Variants in EDAR observed in about 807,000 individuals in gnomAD.
EDAR encodes tumor necrosis factor receptor superfamily member EDAR.
In EDAR, 38 loss-of-function variants were observed where a neutral mutation model predicts 51.3. The observed-to-expected ratio is 0.74, with a 90% confidence interval of 0.57 to 0.97. The LOEUF (loss-of-function observed/expected upper bound fraction) is 0.97, where lower values mean the gene tolerates loss of function less well. Among genes scored for constraint, EDAR ranks in the 50% least tolerant of loss-of-function variants. The pLI is 0.00. For missense variants in EDAR, 528 were observed against 595.0 expected (o/e 0.89, Z 1.17); for synonymous variants, 227 against 242.1 (o/e 0.94, Z 0.58).
chr2:108,979,918 A>C (rs1251837946), intron 1 of EDAR, among the ~76,000 whole-genome samples: 1 of 152,136 alleles, frequency 6.6e-6, no homozygotes, highest in African/African-American at 2.4e-5. Context: ...GGTGGGAAGC[A>C]GGGTGCTGTG....
At position 108,895,778 on chromosome 2, in the gene EDAR, T is replaced by A. The variant is rs13001699; in HGVS notation, c.*1129A>T. On this transcript the variant is annotated 3_prime_UTR_variant, in exon 12 of 12. Coordinates refer to ENST00000258443, the MANE Select transcript of EDAR (RefSeq NM_022336.4). Reference sequence around the variant, plus strand: ...CAACTAGAAGCCAGCTCCCTCGACATCAAGCCCAGGCTCTCATTTGCGCTG... The same window carrying A: ...CAACTAGAAGCCAGCTCCCTCGACAACAAGCCCAGGCTCTCATTTGCGCTG... 6.6e-6 allele frequency: 1 copy of A among 152,136 alleles called. No individual in the cohort carries two copies. Among genetic ancestry groups the A allele is most frequent in the Non-Finnish European group, 1.5e-5 (1 of 68,054 alleles). The allele number at this position is 152,136 out of a possible 1,614,324, so 9.4% of individuals were successfully genotyped here.
At chr2:108,961,801 C>T (rs1038697067) in intron 1 of EDAR, among the ~76,000 whole-genome samples, 1 of 152,080 alleles carries the variant, frequency 6.6e-6, no homozygotes, top group Non-Finnish European at 1.5e-5. Flanking sequence ...GCTGCTCTCT[C>T]GTGACCTGAG....
Position 108,927,093 on chromosome 2 carries a change from C to G in EDAR, c.356+2105G>C, listed in dbSNP as rs575471671. On this transcript the variant is annotated intron_variant, in intron 4 of 11. Transcript: ENST00000258443. ...TTGGGACTGGCAGTGAGGCTTTGAG[C>G]AGACACAGCACATCATGGAGCCAAC... is the stretch of plus-strand genomic sequence containing the variant. 1.5e-3 allele frequency among the ~76,000 whole-genome samples: 224 copies of G among 152,318 alleles called. 1 individual carries two copies. Among genetic ancestry groups the G allele is most frequent in the African/African-American group, 5.1e-3 (212 of 41,564 alleles).
rs1248600965 is a variant in EDAR at position 108,906,355 on chromosome 2, C to T, written c.977G>A (p.Arg326Lys). 3.1e-6 allele frequency: 5 copies of T among 1,614,170 alleles called. No individual in the cohort carries two copies. Among genetic ancestry groups the T allele is most frequent in the Non-Finnish European group, 4.2e-6 (5 of 1,180,032 alleles). The change falls in exon 11 of 12, where the codon AGG becomes AAG. Residue 326 changes from arginine (R) to lysine (K), a missense_variant. Transcript: ENST00000258443. Reference protein sequence around the residue: ...SNKSAGIQSRRKKILDVYANV... With the variant: ...SNKSAGIQSRKKKILDVYANV... ...GGCATACACATCGAGGATCTTTTTC[C>T]TCCGGCTTTGAATCTGTGAAAAAGA...
At position 108,983,029 on chromosome 2, in the gene EDAR, A is replaced by T. The variant is rs984323006; in HGVS notation, c.-19+5931T>A. ...TTGGAGATTTTATTGCCCATAAAGA[A>T]ATCCATCAACAGAAAACCACACTCT... is the stretch of plus-strand genomic sequence containing the variant. On this transcript the variant is annotated intron_variant, in intron 1 of 11. Transcript: ENST00000258443. 3.3e-5 allele frequency among the ~76,000 whole-genome samples: 5 copies of T among 152,204 alleles called. No individual in the cohort carries two copies. The East Asian group carries it at 5.8e-4, about 18-fold the overall frequency.
chr2:108,973,517 A>G (rs1404102555), intron 1 of EDAR, among the ~76,000 whole-genome samples: 1 of 152,238 alleles, frequency 6.6e-6, no homozygotes, highest in Non-Finnish European at 1.5e-5. Flanking sequence ...GAACCCTGGC[A>G]GAATCTTTCT....
In EDAR at chr2:108,936,117, T is replaced by C. The variant is rs113151980; in HGVS notation, c.-18-5085A>G. Among the ~76,000 whole-genome samples, 1,457 of 152,342 alleles carry C rather than the reference T, an allele frequency of 9.6e-3. 26 individuals are homozygous for C. The highest frequency in any genetic ancestry group is 0.032 in the African/African-American group (1,337 of 41,580). On this transcript the variant is annotated intron_variant, in intron 1 of 11. Coordinates refer to ENST00000258443, the MANE Select transcript of EDAR (RefSeq NM_022336.4). The stretch of plus-strand genomic sequence containing the variant: ...CGGGACTTCCCATTCTTCCACCCAG[T>C]TGGGCCCCCCTTGACTGTGACGGTG...
At chr2:108,986,091 A>G (rs1211869933) in intron 1 of EDAR, among the ~76,000 whole-genome samples, 3 of 152,124 alleles carry the variant, frequency 2.0e-5, no homozygotes, top group Admixed American at 1.3e-4. Context: ...TGAAAAATTA[A>G]ATATGGTCAA....
chr2:108,952,545 C>A (rs181607699), intron 1 of EDAR, among the ~76,000 whole-genome samples: 1 of 152,198 alleles, frequency 6.6e-6, no homozygotes, highest in Non-Finnish European at 1.5e-5. Context: ...ATACTTTTCA[C>A]TTCTAGGATT....
chr2:108,983,308 T>C (rs1281271094), intron 1 of EDAR, among the ~76,000 whole-genome samples: 2 of 152,220 alleles, frequency 1.3e-5, no homozygotes, highest in Non-Finnish European at 2.9e-5. Context: ...GAGACTCCTC[T>C]AAAGTACCTT....
At chr2:108,903,453 A>G (rs1696742903) in intron 11 of EDAR, among the ~76,000 whole-genome samples, 2 of 152,324 alleles carry the variant, frequency 1.3e-5, no homozygotes, top group South Asian at 4.1e-4. Flanking sequence ...AAAAAAATAA[A>G]GGAAAATGGG....
intron 5 of EDAR, among the ~76,000 whole-genome samples, chr2:108,912,992 A>T (rs1225775764): frequency 6.8e-6 from 1 of 146,350 alleles, no homozygotes; most frequent in Non-Finnish European, 1.5e-5. Flanking sequence ...TCTGTTGCCC[A>T]GGCTACAGTG....
At chr2:108,944,791 A>G (rs1257696305) in intron 1 of EDAR, among the ~76,000 whole-genome samples, 3 of 152,160 alleles carry the variant, frequency 2.0e-5, no homozygotes, top group Non-Finnish European at 4.4e-5. Flanking sequence ...TCACAGAGTC[A>G]AGGGAGAAGG....
intron 4 of EDAR, among the ~76,000 whole-genome samples, chr2:108,928,112 C>T (rs1412912339): frequency 6.6e-6 from 1 of 152,132 alleles, no homozygotes; most frequent in Non-Finnish European, 1.5e-5. Context: ...GAGCCTGGTT[C>T]CATCTGCTCC....
rs950345090 is a variant in EDAR, at chr2:108,923,301, A to C, written c.442+67T>G. On this transcript the variant is annotated intron_variant, in intron 5 of 11. Coordinates refer to ENST00000258443, the MANE Select transcript of EDAR (RefSeq NM_022336.4). ...GGTGCCAGGACCGGCTCTTTCCTACACCCTCTGTAGTGAAAGGGATCCGTG... is the reference window on the plus strand; with the variant it reads ...GGTGCCAGGACCGGCTCTTTCCTACCCCCTCTGTAGTGAAAGGGATCCGTG... The C allele has an allele frequency of 1.4e-5, 21 of 1,483,000 alleles. No homozygotes were observed. In the African/African-American group the frequency reaches 2.1e-4, roughly 15 times the overall value. 91.9% of individuals were successfully genotyped at this position (1,483,000 alleles called of 1,614,324 possible).
chr2:108,941,747 A>G (rs1219939833), intron 1 of EDAR, among the ~76,000 whole-genome samples: 2 of 152,212 alleles, frequency 1.3e-5, no homozygotes, highest in Non-Finnish European at 2.9e-5. Flanking sequence ...TAGGATGTGT[A>G]TTATGCTCGC....
intron 4 of EDAR, among the ~76,000 whole-genome samples, chr2:108,925,397 C>A (rs6732336): frequency 1.3e-5 from 2 of 152,120 alleles, no homozygotes; most frequent in Non-Finnish European, 2.9e-5. Flanking sequence ...GGCTACACGG[C>A]GGATGCACAA....
intron 1 of EDAR, among the ~76,000 whole-genome samples, chr2:108,944,010 G>C (rs1054249048): frequency 6.6e-6 from 1 of 152,208 alleles, no homozygotes; most frequent in African/African-American, 2.4e-5. Flanking sequence ...AATGTAAAAG[G>C]CTTGATGTAG....
intron 2 of EDAR, 71 bp from the exon 3 acceptor site, chr2:108,930,313 A>T: frequency 6.2e-7 from 1 of 1,602,288 alleles, no homozygotes; most frequent in Non-Finnish European, 8.5e-7. Context: ...CAAGACCCCA[A>T]GGTTGACATA....
Sources: gnomAD v4.1 joint callset for allele counts (sites outside exome capture counted in the v4.1 genomes callset) on GRCh38, gnomAD v4.1.1 for gene constraint, MANE v1.5 for transcripts, NCBI Gene and HGNC (gene_info 2026-07-23, HGNC 2026-07-21) for gene names.